LMO7: variants seen among roughly 807,000 people sequenced by gnomAD.
LMO7 encodes LIM domain only protein 7.
A neutral mutation model predicts 206.5 loss-of-function variants in LMO7; 120 were observed. The observed-to-expected ratio is 0.58, with a 90% confidence interval of 0.50 to 0.68. The LOEUF is 0.68. Ranked by LOEUF, LMO7 falls within the 30% of genes least tolerant of loss-of-function variation. LMO7 has a pLI of 0.00. For synonymous variants in LMO7, 706 were observed against 681.5 expected, an observed-to-expected ratio of 1.04 and a Z score of -0.56; for missense variants, 1,959 against 1,957.9, an observed-to-expected ratio of 1.00 and a Z score of -0.01.
At chr13:75,695,539 G>T (rs1000785714) in intron 1 of LMO7, among the ~76,000 whole-genome samples, 1 of 152,140 alleles carries the variant, frequency 6.6e-6, no homozygotes, top group Non-Finnish European at 1.5e-5. Flanking sequence ...TAGAGACGGG[G>T]TTTCACCGTG....
chr13:75,705,421 T>A (rs991994009), intron 1 of LMO7, among the ~76,000 whole-genome samples: 2 of 152,054 alleles, frequency 1.3e-5, no homozygotes, highest in African/African-American at 4.8e-5. Context: ...TTATTTTAGG[T>A]GGGGATGATT....
Position 75,795,286 on chromosome 13 carries a change from TC to T in LMO7, c.318-113del, listed in dbSNP as rs796774454. ...ATATGAGCTCTAAGAGATTTGGACT[TC>T]CATGTGATATTAATATTCATAGAAT... On this transcript the variant is annotated intron_variant, in intron 4 of 30. Transcript: ENST00000377534. The T allele has an allele frequency of 4.2e-5, 29 of 698,640 alleles. No homozygotes were observed. In the African/African-American group the frequency reaches 4.7e-4, roughly 11 times the overall value. 43.3% of individuals were successfully genotyped at this position (698,640 alleles called of 1,614,324 possible). A position where few individuals can be genotyped will look rare whatever the true frequency, so the allele number is the denominator to read the frequency against.
At chr13:75,761,176 A>G (rs1173671786) in intron 4 of LMO7, 138 bp downstream of exon 4, 1 of 599,160 alleles carries the variant, frequency 1.7e-6, no homozygotes, top group East Asian at 2.8e-5. Context: ...TTCTCATTCT[A>G]AAAGAGACTG....
intron 15 of LMO7, among the ~76,000 whole-genome samples, chr13:75,830,373 A>G (rs1403223768): frequency 6.6e-6 from 1 of 152,174 alleles, no homozygotes; most frequent in African/African-American, 2.4e-5. Flanking sequence ...TGGTTTGGAA[A>G]GAGGTGGTCT....
At chr13:75,737,852 A>AAAAAC in intron 3 of LMO7, among the ~76,000 whole-genome samples, 1 of 145,612 alleles carries the variant, frequency 6.9e-6, no homozygotes, top group African/African-American at 2.5e-5. Flanking sequence ...CAAAAAAAAA[A>AAAAAC]AAAAAAAAAA....
intron 1 of LMO7, among the ~76,000 whole-genome samples, chr13:75,711,575 C>A (rs961734045): frequency 6.6e-6 from 1 of 152,236 alleles, no homozygotes; most frequent in African/African-American, 2.4e-5. Flanking sequence ...CTGGGCGAGA[C>A]GATGCCTCGC....
At chr13:75,817,592 C>T (rs1311997743) in intron 12 of LMO7, among the ~76,000 whole-genome samples, 2 of 152,006 alleles carry the variant, frequency 1.3e-5, no homozygotes, top group Non-Finnish European at 2.9e-5. Context: ...TTGGGATATG[C>T]ACATTAACTA....
Position 75,840,312 on chromosome 13 carries a change from T to C in LMO7, c.3478-79T>C. On this transcript the variant is annotated intron_variant, in intron 21 of 30. Coordinates refer to ENST00000377534, the MANE Select transcript of LMO7 (RefSeq NM_001306080.2). ...CAAACTGTGATATGAATAATTTATGTGTGCAAAAGTGGTTCAGTAGATGAC... is the reference window on the plus strand; with the variant it reads ...CAAACTGTGATATGAATAATTTATGCGTGCAAAAGTGGTTCAGTAGATGAC... The C allele has an allele frequency of 2.0e-6, 3 of 1,491,470 alleles. No homozygotes were observed. The South Asian group carries it at 3.4e-5, about 17-fold the overall frequency. 92.4% of individuals were successfully genotyped at this position (1,491,470 alleles called of 1,614,324 possible). A position where few individuals can be genotyped will look rare whatever the true frequency, so the allele number is the denominator to read the frequency against.
intron 23 of LMO7, 71 bp downstream of exon 23, chr13:75,841,272 A>G (rs2059537478): frequency 1.0e-6 from 1 of 978,316 alleles, no homozygotes; most frequent in Non-Finnish European, 1.6e-6. Context: ...GAGAATCAGG[A>G]GACACTTCAT....
intron 13 of LMO7, 44 bp from the exon 14 acceptor site, chr13:75,821,130 TGTC>T (rs1420814682): frequency 6.9e-7 from 1 of 1,447,240 alleles, no homozygotes; most frequent in African/African-American, 1.4e-5. Flanking sequence ...CACCTCTGTG[TGTC>T]AAATGTGTGT....
rs1483493976 is a variant in LMO7, at chr13:75,696,453, C to G, written c.70-16729C>G. ...TACAAATTGTTTCATATAAGGAAAT[C>G]AAGTCTCATAAGAACCTTAGATACC... On this transcript the variant is annotated intron_variant, in intron 1 of 30. Transcript: ENST00000377534. 2.0e-5 allele frequency among the ~76,000 whole-genome samples: 3 copies of G among 152,256 alleles called. No homozygotes were observed. The East Asian group carries it at 5.8e-4, about 29-fold the overall frequency.
At chr13:75,743,112 A>G (rs978564095) in intron 3 of LMO7, among the ~76,000 whole-genome samples, 2 of 152,112 alleles carry the variant, frequency 1.3e-5, no homozygotes, top group African/African-American at 4.8e-5. Context: ...TAGGCATATG[A>G]AAAAAAAGCT....
chr13:75,842,591 G>A (rs1000463878), intron 24 of LMO7, among the ~76,000 whole-genome samples: 2 of 152,064 alleles, frequency 1.3e-5, no homozygotes, highest in Non-Finnish European at 2.9e-5. Context: ...TACTCCTATA[G>A]CCCATTCTTA....
At chr13:75,655,377 A>T (rs1171108384) in intron 1 of LMO7, among the ~76,000 whole-genome samples, 1 of 152,024 alleles carries the variant, frequency 6.6e-6, no homozygotes, top group African/African-American at 2.4e-5. Flanking sequence ...CTTGTTGTAT[A>T]TTTTAAAAAT....
chr13:75,855,614 A>G (rs2060869057), intron 29 of LMO7, among the ~76,000 whole-genome samples: 1 of 152,230 alleles, frequency 6.6e-6, no homozygotes, highest in East Asian at 1.9e-4. Context: ...CTATACATTT[A>G]CAGTACATAA....
At chr13:75,632,862 G>GTTTTTTTTTGTTTGTTTTTTTTTTT (rs2035134633), upstream of LMO7, among the ~76,000 whole-genome samples, 3 of 102,138 alleles carry the variant, frequency 2.9e-5, no homozygotes, top group African/African-American at 1.2e-4. Context: ...TTACTTAAAA[G>GTTTTTTTTTGTTTGTTTTTTTTTTT]TTTTTTTTTT....
chr13:75,696,095 G>A (rs1312694180), intron 1 of LMO7, among the ~76,000 whole-genome samples: 3 of 152,192 alleles, frequency 2.0e-5, no homozygotes, highest in Non-Finnish European at 4.4e-5. Context: ...TGTGGCTCAT[G>A]CCTGTAATCC....
chr13:75,831,157 A>C (rs929262469), intron 15 of LMO7, among the ~76,000 whole-genome samples: 3 of 152,268 alleles, frequency 2.0e-5, no homozygotes, highest in Middle Eastern at 3.4e-3. Context: ...TCATCAGGTG[A>C]TTATTAACGA....
Position 75,807,934 on chromosome 13 carries a change from C to T in LMO7, c.1651C>T (p.Pro551Ser). The change falls in exon 10 of 31, where the codon CCA (proline) becomes TCA (serine). Residue 551 changes from proline (P) to serine (S), a missense_variant. Transcript: ENST00000377534. Reference sequence around the variant, plus strand: ...TTTTCCCGAACCCTGGACTCTTCCTCCAGAAATTCAAGCAAAATTTCTCTG... The same window carrying T: ...TTTTCCCGAACCCTGGACTCTTCCTTCAGAAATTCAAGCAAAATTTCTCTG... ...VPFPEPWTLP[P>S]EIQAKFLCVL... 6.2e-7 allele frequency: 1 copy of T among 1,613,952 alleles called. No individual in the cohort carries two copies. The highest frequency in any genetic ancestry group is 1.1e-5 in the South Asian group (1 of 91,060).
Sources: allele counts gnomAD v4.1 joint callset (sites outside exome capture counted in the v4.1 genomes callset), GRCh38; gene constraint gnomAD v4.1.1; transcripts MANE v1.5; gene names NCBI Gene and HGNC (gene_info 2026-07-23, HGNC 2026-07-21).